Variants in SMARCB1 observed in about 807,000 individuals in gnomAD.
SMARCB1 encodes SWI/SNF-related matrix-associated actin-dependent regulator of chromatin subfamily B member 1.
In SMARCB1, 5 loss-of-function variants were observed where a neutral mutation model predicts 49.0. The observed-to-expected ratio is 0.10, with a 90% CI of 0.05 to 0.21. SMARCB1 has a LOEUF of 0.21. Ranked by LOEUF, SMARCB1 falls within the 10% of genes least tolerant of loss-of-function variation. The probability of loss-of-function intolerance (pLI) is 1.00; values close to 1 mark genes in which losing one functional copy is unlikely to be tolerated. For missense variants in SMARCB1, 226 were observed against 509.2 expected (o/e 0.44, Z 5.35); for synonymous variants, 201 against 200.1 (o/e 1.00, Z -0.04).
chr22:23,788,428 CTTTTATTTTT>C, intron 1 of SMARCB1, among the ~76,000 whole-genome samples: 1 of 152,188 alleles, frequency 6.6e-6, no homozygotes, highest in East Asian at 1.9e-4. Flanking sequence ...ACTTTATTTT[CTTTTATTTTT>C]GAAAAAAGAT....
intron 5 of SMARCB1, among the ~76,000 whole-genome samples, chr22:23,811,848 C>T (rs1248000755): frequency 6.6e-6 from 1 of 152,160 alleles, no homozygotes; most frequent in Non-Finnish European, 1.5e-5. Flanking sequence ...AAATCAATGA[C>T]ATTGAAAACA....
intron 1 of SMARCB1, among the ~76,000 whole-genome samples, chr22:23,788,048 G>GT (rs553008995): frequency 1.4e-3 from 206 of 152,140 alleles, no homozygotes; most frequent in African/African-American, 4.7e-3. Flanking sequence ...CTTGTTTTTT[G>GT]TTTTTTATAG....
At chr22:23,794,838 C>T (rs1024218761) in intron 3 of SMARCB1, among the ~76,000 whole-genome samples, 1 of 152,056 alleles carries the variant, frequency 6.6e-6, no homozygotes, top group African/African-American at 2.4e-5. Flanking sequence ...GTGGAGATTG[C>T]AGTGAGCTGA....
intron 3 of SMARCB1, among the ~76,000 whole-genome samples, chr22:23,794,656 T>C (rs1358513015): frequency 2.0e-5 from 3 of 152,218 alleles, no homozygotes; most frequent in Non-Finnish European, 4.4e-5. Context: ...CCCAGCAGTT[T>C]GGGAGGCCGA....
chr22:23,828,695 A>T (rs1368154436), intron 7 of SMARCB1, among the ~76,000 whole-genome samples: 3 of 152,164 alleles, frequency 2.0e-5, no homozygotes, highest in Non-Finnish European at 2.9e-5. Flanking sequence ...TCCATAATGG[A>T]AGCACTCGCT....
chr22:23,835,484 G>A lies in SMARCB1; in HGVS notation c.*1304G>A. On this transcript the variant is annotated 3_prime_UTR_variant, in exon 9 of 9. Coordinates refer to ENST00000644036, the MANE Select transcript of SMARCB1 (RefSeq NM_003073.5). The stretch of plus-strand genomic sequence containing the variant: ...GGCAGAGCTCTGATTAGGGATTGGG[G>A]TTCTTGGTCGCTGAGATGTGAGAGG... The A allele has an allele frequency of 3.0e-6, 3 of 985,762 alleles. No homozygotes were observed. The highest frequency in any genetic ancestry group is 3.6e-6 in the Non-Finnish European group (3 of 830,146). The allele number at this position is 985,762 out of a possible 1,614,324, so 61.1% of individuals were successfully genotyped here. A position where few individuals can be genotyped will look rare whatever the true frequency, so the allele number is the denominator to read the frequency against.
intron 5 of SMARCB1, among the ~76,000 whole-genome samples, chr22:23,810,856 C>T (rs1929827744): frequency 6.6e-6 from 1 of 151,896 alleles, no homozygotes; most frequent in African/African-American, 2.4e-5. Context: ...ATGGCAAAAC[C>T]CTGTCTCTAC....
chr22:23,828,087 C>G (rs1288780484), intron 7 of SMARCB1, among the ~76,000 whole-genome samples: 16 of 152,290 alleles, frequency 1.1e-4, no homozygotes, highest in Non-Finnish European at 1.5e-5. Flanking sequence ...GGGTCTCGCT[C>G]TGTCGCCCAG....
intron 7 of SMARCB1, among the ~76,000 whole-genome samples, chr22:23,830,755 G>A (rs919209052): frequency 7.0e-6 from 1 of 143,304 alleles, no homozygotes; most frequent in African/African-American, 2.7e-5. Context: ...TCCGCCTCCT[G>A]AGTTCAAGTG....
chr22:23,832,311 A>C (rs2030695037), intron 7 of SMARCB1, among the ~76,000 whole-genome samples: 1 of 152,170 alleles, frequency 6.6e-6, no homozygotes, highest in African/African-American at 2.4e-5. Context: ...CATCCTTCCA[A>C]AGCCCTTCAC....
At chr22:23,794,119 T>TG (rs1928594172) in intron 3 of SMARCB1, among the ~76,000 whole-genome samples, 1 of 152,226 alleles carries the variant, frequency 6.6e-6, no homozygotes, top group South Asian at 2.1e-4. Context: ...TAATTTTGTA[T>TG]TTTTGGTAGA....
intron 6 of SMARCB1, among the ~76,000 whole-genome samples, chr22:23,822,104 C>T (rs975044045): frequency 6.6e-6 from 1 of 152,084 alleles, no homozygotes; most frequent in Non-Finnish European, 1.5e-5. Context: ...GACCATCTCT[C>T]TCCTCAGAAA....
In SMARCB1 at chr22:23,787,175, G is replaced by A; in HGVS notation, c.6G>A (p.Met2Ile). The A allele has an allele frequency of 1.9e-6, 3 of 1,606,814 alleles. No individual in the cohort carries two copies. The highest frequency in any genetic ancestry group is 2.6e-6 in the Non-Finnish European group (3 of 1,175,618). Reference sequence around the variant, plus strand: ...CGCCCGCCTCTGCCGCCGCAATGATGATGATGGCGCTGAGCAAGACCTTCG... The same window carrying A: ...CGCCCGCCTCTGCCGCCGCAATGATAATGATGGCGCTGAGCAAGACCTTCG... M[M>I]MMALSKTFGQ... Residue 2 changes from methionine (M) to isoleucine (I), a missense_variant, in exon 1 of 9, where the codon ATG becomes ATA. Physicochemically the swap from Met to Ile is conservative, Grantham distance 10. Transcript: ENST00000644036.
At chr22:23,814,838 C>T (rs908860198) in intron 5 of SMARCB1, among the ~76,000 whole-genome samples, 6 of 151,910 alleles carry the variant, frequency 3.9e-5, no homozygotes, top group South Asian at 2.1e-4. Flanking sequence ...GGCATGGTGG[C>T]GCATGCCTGT....
At chr22:23,830,693 C>T (rs1180692702) in intron 7 of SMARCB1, among the ~76,000 whole-genome samples, 3 of 117,940 alleles carry the variant, frequency 2.5e-5, no homozygotes, top group African/African-American at 3.5e-5. Context: ...GAGACAGTCT[C>T]GCTGTGTCAC....
In SMARCB1 at chr22:23,837,997, A is replaced by G; in HGVS notation, c.*3817A>G. 8.1e-7 allele frequency: 1 copy of G among 1,241,402 alleles called. No individual in the cohort carries two copies. Among genetic ancestry groups the G allele is most frequent in the Non-Finnish European group, 1.1e-6 (1 of 915,754 alleles). The allele number at this position is 1,241,402 out of a possible 1,614,324, so 76.9% of individuals were successfully genotyped here. A position where few individuals can be genotyped will look rare whatever the true frequency, so the allele number is the denominator to read the frequency against. ...GATGAGCCAGTCCAATAAAGGCGACACACTCCACGGGCTTCAGGTCCCACG... is the reference window on the plus strand; with the variant it reads ...GATGAGCCAGTCCAATAAAGGCGACGCACTCCACGGGCTTCAGGTCCCACG... On this transcript the variant is annotated 3_prime_UTR_variant, in exon 9 of 9. Transcript: ENST00000644036.
chr22:23,788,055 A>G (rs899802727), intron 1 of SMARCB1, among the ~76,000 whole-genome samples: 2 of 151,988 alleles, frequency 1.3e-5, no homozygotes, highest in African/African-American at 4.8e-5. Context: ...TTTGTTTTTT[A>G]TAGAGACAGG....
intron 5 of SMARCB1, chr22:23,803,725 G>T (rs1370581663): frequency 4.3e-6 from 2 of 463,086 alleles, no homozygotes; most frequent in Non-Finnish European, 8.0e-6. Flanking sequence ...GTCAGACCTA[G>T]TTCAGCCCCC....
intron 7 of SMARCB1, among the ~76,000 whole-genome samples, chr22:23,831,810 G>T (rs189897098): frequency 3.3e-5 from 5 of 152,316 alleles, no homozygotes; most frequent in East Asian, 1.9e-4. Context: ...GATGTTTGGG[G>T]TCTGAGGCTA....
Sources: allele counts gnomAD v4.1 joint callset (sites outside exome capture counted in the v4.1 genomes callset), GRCh38; gene constraint gnomAD v4.1.1; transcripts MANE v1.5; gene names NCBI Gene and HGNC (gene_info 2026-07-23, HGNC 2026-07-21).